The following YTHDF2 variants were observed in gnomAD, a reference collection of about 807,000 sequenced individuals.
YTHDF2 encodes YTH N6-methyladenosine RNA binding protein F2.
YTHDF2 carries 2 observed loss-of-function variants against 50.4 expected under a neutral mutation model. The ratio of observed to expected loss-of-function variants is 0.04; its 90% CI spans 0.02 to 0.12. YTHDF2 has a LOEUF of 0.12. Among genes scored for constraint, YTHDF2 ranks in the 10% least tolerant of loss-of-function variants. The pLI is 1.00. For synonymous variants in YTHDF2, 217 were observed against 255.6 expected (o/e 0.85, Z 1.44); for missense variants, 483 against 722.6 (o/e 0.67, Z 3.80).
At chr1:28,754,529 C>CAA (rs35636702) in intron 4 of YTHDF2, among the ~76,000 whole-genome samples, 1 of 138,438 alleles carries the variant, frequency 7.2e-6, no homozygotes, top group African/African-American at 2.6e-5. Flanking sequence ...GACTGTGTCT[C>CAA]AAAAAAAAAA....
chr1:28,769,012 T>C lies in YTHDF2; in HGVS notation c.*60T>C. On this transcript the variant is annotated 3_prime_UTR_variant, in exon 5 of 5. Coordinates refer to ENST00000373812, the MANE Select transcript of YTHDF2 (RefSeq NM_016258.3). ...ATCTGCATATCCTAAGAGGAAAAAATGACCTTCAAGAGAATTAGGACTTTT... is the reference window on the plus strand; with the variant it reads ...ATCTGCATATCCTAAGAGGAAAAAACGACCTTCAAGAGAATTAGGACTTTT... 3 of 1,435,774 alleles carry C rather than the reference T, an allele frequency of 2.1e-6. No individual in the cohort carries two copies. The highest frequency in any genetic ancestry group is 1.9e-6 in the Non-Finnish European group (2 of 1,066,106). The allele number at this position is 1,435,774 out of a possible 1,614,324, so 88.9% of individuals were successfully genotyped here. A position where few individuals can be genotyped will look rare whatever the true frequency, so the allele number is the denominator to read the frequency against.
intron 4 of YTHDF2, among the ~76,000 whole-genome samples, chr1:28,759,345 TAAA>T (rs1312417541): frequency 6.6e-6 from 1 of 152,206 alleles, no homozygotes; most frequent in Non-Finnish European, 1.5e-5. Context: ...CCTCTGAGCC[TAAA>T]TATCTTTAAA....
At chr1:28,748,160 G>C (rs2087894018) in intron 4 of YTHDF2, among the ~76,000 whole-genome samples, 2 of 151,950 alleles carry the variant, frequency 1.3e-5, no homozygotes, top group Non-Finnish European at 2.9e-5. Context: ...GAACTGCTGG[G>C]ATTTCAGGAA....
In YTHDF2 at chr1:28,737,372, C is replaced by T. The variant is rs528364652; in HGVS notation, c.27+225C>T. The T allele has an allele frequency of 7.8e-6, 5 of 638,590 alleles. No individual in the cohort carries two copies. The East Asian group carries it at 9.7e-5, about 12-fold the overall frequency. The allele number at this position is 638,590 out of a possible 1,614,324, so 39.6% of individuals were successfully genotyped here. Reference sequence around the variant, plus strand: ...CCACGGGCCGGGCCGCGCCGCGTTCCCTTCTCTCGGCGGGCCTCGTTTTCC... The same window carrying T: ...CCACGGGCCGGGCCGCGCCGCGTTCTCTTCTCTCGGCGGGCCTCGTTTTCC... On this transcript the variant is annotated intron_variant, in intron 1 of 4. Coordinates refer to ENST00000373812, the MANE Select transcript of YTHDF2 (RefSeq NM_016258.3).
chr1:28,754,295 AG>A (rs2088004109), intron 4 of YTHDF2, among the ~76,000 whole-genome samples: 1 of 152,210 alleles, frequency 6.6e-6, no homozygotes, highest in South Asian at 2.1e-4. Context: ...TGGGAGGCCA[AG>A]GTTGGCAGGT....
In YTHDF2 at chr1:28,742,548, G is replaced by C. The variant is rs751151205; in HGVS notation, c.278G>C (p.Ser93Thr). The C allele has an allele frequency of 6.2e-7, 1 of 1,614,078 alleles. No homozygotes were observed. Among genetic ancestry groups the C allele is most frequent in the South Asian group, 1.1e-5 (1 of 91,088 alleles). The change falls in exon 4 of 5, where the codon AGC (serine) becomes ACC (threonine). Residue 93 changes from serine to threonine, a missense_variant. Physicochemically the swap from Ser to Thr is moderately conservative, Grantham distance 58 (BLOSUM62 1). Coordinates refer to ENST00000373812, the MANE Select transcript of YTHDF2 (RefSeq NM_016258.3). ...TACTTAACTTCTTATGGACAGCTGA[G>C]CAACGGAGAGCCCCACTTCCTACCA... ...MPYLTSYGQL[S>T]NGEPHFLPDA...
chr1:28,761,202 A>C (rs1190951127), intron 4 of YTHDF2, among the ~76,000 whole-genome samples: 2 of 141,298 alleles, frequency 1.4e-5, no homozygotes, highest in Non-Finnish European at 3.0e-5. Flanking sequence ...TGGCCTGATC[A>C]CAACTCATTG....
At chr1:28,764,157 G>T (rs889987417) in intron 4 of YTHDF2, among the ~76,000 whole-genome samples, 6 of 151,122 alleles carry the variant, frequency 4.0e-5, no homozygotes, top group African/African-American at 1.5e-4. Flanking sequence ...CTCCATGTTG[G>T]TCAGGCTGGT....
Position 28,737,136 on chromosome 1 carries a change from C to T in YTHDF2, c.16C>T (p.Leu6Phe). 2 of 1,600,776 alleles carry T rather than the reference C, an allele frequency of 1.2e-6. No homozygotes were observed. The highest frequency in any genetic ancestry group is 1.7e-6 in the Non-Finnish European group (2 of 1,175,566). The change falls in exon 1 of 5, where the codon CTC becomes TTC. Residue 6 changes from leucine to phenylalanine, a missense_variant. Around this residue, in one of 4 missense-constraint regions of YTHDF2, gnomAD observed 385 missense variants for 475.8 expected, o/e 0.81. Coordinates refer to ENST00000373812, the MANE Select transcript of YTHDF2 (RefSeq NM_016258.3). The part of the protein sequence containing the change: MSASS[L>F]LEQRPKGQGN... ...TCTGAGAGCCATGTCGGCCAGCAGC[C>T]TCTTGGAGCAGGTACAGGCCCGGCC...
intron 4 of YTHDF2, among the ~76,000 whole-genome samples, chr1:28,758,177 A>G (rs676094): frequency 0.62 from 94,688 of 151,958 alleles, 30,949 homozygotes; most frequent in African/African-American, 0.79. Flanking sequence ...TTGAACCTAG[A>G]AGTTGGAGAC....
At chr1:28,741,261 A>G (rs1346004625) in intron 3 of YTHDF2, among the ~76,000 whole-genome samples, 6 of 150,284 alleles carry the variant, frequency 4.0e-5, no homozygotes, top group Non-Finnish European at 4.4e-5. Flanking sequence ...GCCTCCCAAA[A>G]TGCTGGAATT....
In YTHDF2 at chr1:28,737,059, T is replaced by TGCC. The variant is rs1338406103; in HGVS notation, c.-50_-48dup. On this transcript the variant is annotated 5_prime_UTR_variant, in exon 1 of 5. Coordinates refer to ENST00000373812, the MANE Select transcript of YTHDF2 (RefSeq NM_016258.3). Reference sequence around the variant, plus strand: ...CCTGCTCCCGCAGACGGGGCTCATCTGCCGCCGCCGCCGCGCTGAGGAGAG... The same window carrying TGCC: ...CCTGCTCCCGCAGACGGGGCTCATCTGCCGCCGCCGCCGCCGCGCTGAGGAGAG... The TGCC allele has an allele frequency of 7.5e-5, 113 of 1,504,192 alleles. No individual in the cohort carries two copies. Among genetic ancestry groups the TGCC allele is most frequent in the East Asian group, 7.5e-4 (30 of 40,222 alleles). The allele number at this position is 1,504,192 out of a possible 1,614,324, so 93.2% of individuals were successfully genotyped here.
chr1:28,738,021 A>G (rs904007549), intron 2 of YTHDF2, among the ~76,000 whole-genome samples: 5 of 152,084 alleles, frequency 3.3e-5, no homozygotes, highest in Admixed American at 6.5e-5. Context: ...GCGGGAGGGA[A>G]TGGAAATCCA....
intron 3 of YTHDF2, among the ~76,000 whole-genome samples, chr1:28,738,707 G>C (rs1320971644): frequency 6.6e-6 from 1 of 152,190 alleles, no homozygotes; most frequent in African/African-American, 2.4e-5. Flanking sequence ...CCAAAGTGCT[G>C]GGATTACAGG....
intron 3 of YTHDF2, among the ~76,000 whole-genome samples, chr1:28,741,699 A>AGTTT (rs1383977843): frequency 2.0e-5 from 3 of 152,242 alleles, no homozygotes; most frequent in Non-Finnish European, 4.4e-5. Flanking sequence ...CCAAGAGGCT[A>AGTTT]GCACTATAAA....
At chr1:28,766,525 A>G (rs1206519448) in intron 4 of YTHDF2, among the ~76,000 whole-genome samples, 2 of 152,122 alleles carry the variant, frequency 1.3e-5, no homozygotes, top group African/African-American at 4.8e-5. Context: ...TGTTTATGCC[A>G]TTACTGATAA....
chr1:28,740,002 T>C (rs2087751996), intron 3 of YTHDF2, among the ~76,000 whole-genome samples: 2 of 152,228 alleles, frequency 1.3e-5, no homozygotes, highest in Admixed American at 1.3e-4. Flanking sequence ...TTGGTAGTCC[T>C]GAATAACTGC....
chr1:28,737,360 C>T (rs1475273536), intron 1 of YTHDF2: 1 of 658,514 alleles, frequency 1.5e-6, no homozygotes, highest in Non-Finnish European at 2.4e-6. Context: ...CGGGCCGGGC[C>T]GCGCCGCGTT....
chr1:28,743,964 A>T lies in YTHDF2; in HGVS notation c.1694A>T (p.Glu565Val). 6.5e-7 allele frequency: 1 copy of T among 1,549,060 alleles called. No homozygotes were observed. The highest frequency in any genetic ancestry group is 8.7e-7 in the Non-Finnish European group (1 of 1,153,176). Residue 565 changes from glutamate to valine, a missense_variant, in exon 4 of 5, where the codon GAG (glutamate) becomes GTG (valine). This residue lies in a region of YTHDF2 where 38 missense variants were observed against 60.1 expected (regional missense o/e 0.63). Coordinates refer to ENST00000373812, the MANE Select transcript of YTHDF2 (RefSeq NM_016258.3). This position sits in a 1 kb window ranked among gnomAD's most constrained non-coding sequence, Gnocchi z 6.9. Reference sequence around the variant, plus strand: ...TTCTCACACTATGAGAAACGCCAAGAGGAAGAAGAAAGTGTTAAAAAGGTA... The same window carrying T: ...TTCTCACACTATGAGAAACGCCAAGTGGAAGAAGAAAGTGTTAAAAAGGTA... Reference protein sequence around the residue: ...DDFSHYEKRQEEEESVKKERQ... With the variant: ...DDFSHYEKRQVEEESVKKERQ...
Sources: gnomAD v4.1 joint callset for allele counts (sites outside exome capture counted in the v4.1 genomes callset) on GRCh38, gnomAD v4.1.1 for gene constraint, gnomAD v4.1.1 regional missense constraint, Gnocchi (gnomAD v3.1) non-coding constraint, MANE v1.5 for transcripts, NCBI Gene and HGNC (gene_info 2026-07-23, HGNC 2026-07-21) for gene names.